The following EGFR variants were observed in gnomAD, a reference collection of about 807,000 sequenced individuals.
EGFR encodes epidermal growth factor receptor.
EGFR carries 58 observed loss-of-function variants against 143.0 expected under a neutral mutation model. The observed-to-expected ratio is 0.41, with a 90% CI of 0.33 to 0.50. EGFR has a LOEUF of 0.50. Among genes scored for constraint, EGFR ranks in the 20% least tolerant of loss-of-function variants. The probability of loss-of-function intolerance (pLI) is 0.39; values close to 1 mark genes in which losing one functional copy is unlikely to be tolerated. For synonymous variants in EGFR, 613 were observed against 594.4 expected, an observed-to-expected ratio of 1.03 and a Z score of -0.45; for missense variants, 1,307 against 1,579.0, an observed-to-expected ratio of 0.83 and a Z score of 2.92.
At position 55,173,434 on chromosome 7, in the gene EGFR, T is replaced by C. The variant is rs139034661; in HGVS notation, c.2061+310T>C. Among the ~76,000 whole-genome samples, 301 of 152,358 alleles carry C rather than the reference T, an allele frequency of 2.0e-3. 2 individuals carry two copies. The highest frequency in any genetic ancestry group is 6.2e-3 in the African/African-American group (256 of 41,588). Reference sequence around the variant, plus strand: ...CTGGCTGTTGATCCCATGCTGGCACTGTGGCGAAGGCGAGAGATTCCTGCT... The same window carrying C: ...CTGGCTGTTGATCCCATGCTGGCACCGTGGCGAAGGCGAGAGATTCCTGCT... On this transcript the variant is annotated intron_variant, in intron 17 of 27. Coordinates refer to ENST00000275493, the MANE Select transcript of EGFR (RefSeq NM_005228.5).
chr7:55,192,015 C>A (rs2128965026), intron 21 of EGFR, 141 bp downstream of exon 21: 1 of 1,268,186 alleles, frequency 7.9e-7, no homozygotes, highest in Non-Finnish European at 1.1e-6. Flanking sequence ...CTGCTGCTGG[C>A]AGCTGGGTCC....
At chr7:55,144,830 G>A (rs780953890) in intron 3 of EGFR, among the ~76,000 whole-genome samples, 5 of 152,082 alleles carry the variant, frequency 3.3e-5, no homozygotes, top group African/African-American at 1.2e-4. Flanking sequence ...CAGATGGCTC[G>A]GGAGCACATT....
intron 3 of EGFR, among the ~76,000 whole-genome samples, chr7:55,146,381 T>A (rs192912964): frequency 6.6e-6 from 1 of 152,284 alleles, no homozygotes; most frequent in East Asian, 1.9e-4. Context: ...AAATTTCTAA[T>A]CATTGCTCAA....
At chr7:55,067,165 G>A (rs1285184457) in intron 1 of EGFR, among the ~76,000 whole-genome samples, 8 of 146,206 alleles carry the variant, frequency 5.5e-5, no homozygotes, top group Non-Finnish European at 7.4e-5. Context: ...CGTGAGCACA[G>A]CTGCAGGAGC....
chr7:55,201,715 C>G lies in EGFR; in HGVS notation c.3115-20C>G. 6.2e-7 allele frequency: 1 copy of G among 1,614,214 alleles called. No individual in the cohort carries two copies. Among genetic ancestry groups the G allele is most frequent in the South Asian group, 1.1e-5 (1 of 91,082 alleles). On this transcript the variant is annotated intron_variant, in intron 25 of 27. Coordinates refer to ENST00000275493, the MANE Select transcript of EGFR (RefSeq NM_005228.5). ...TGTGGTACAAGCATTCCATGGGCAA[C>G]TTCTCTGTTTCTTTTTCAGAGTGCA...
rs1794575659 is a variant in EGFR at position 55,143,356 on chromosome 7, C to A, written c.292C>A (p.Arg98=). 1.2e-6 allele frequency: 2 copies of A among 1,614,134 alleles called. No homozygotes were observed. Among genetic ancestry groups the A allele is most frequent in the Non-Finnish European group, 1.7e-6 (2 of 1,180,042 alleles). ...YVLIALNTVE[R]IPLENLQIIR... is the part of the protein sequence containing the mutation. ...CCTCATTGCCCTCAACACAGTGGAG[C>A]GAATTCCTTTGGAAAACCTGCAGAT... is the stretch of plus-strand genomic sequence containing the variant. The change falls in exon 3 of 28, where the codon CGA becomes AGA. Residue 98 remains arginine, a synonymous_variant. Transcript: ENST00000275493.
intron 19 of EGFR, among the ~76,000 whole-genome samples, chr7:55,177,197 G>C (rs1278714602): frequency 6.6e-6 from 1 of 152,096 alleles, no homozygotes; most frequent in Non-Finnish European, 1.5e-5. Flanking sequence ...CTGCAGCTCA[G>C]GCTGCCCAGG....
At chr7:55,131,311 A>G (rs1317144369) in intron 1 of EGFR, among the ~76,000 whole-genome samples, 1 of 151,476 alleles carries the variant, frequency 6.6e-6, no homozygotes, top group East Asian at 1.9e-4. Context: ...CACTCTTCAA[A>G]CACTTTATGA....
At chr7:55,204,670 TACACACACC>T (rs1366234932) in intron 27 of EGFR, among the ~76,000 whole-genome samples, 6 of 67,372 alleles carry the variant, frequency 8.9e-5, no homozygotes, top group South Asian at 5.2e-4. Context: ...CACACACACG[TACACACACC>T]ACACACACCA....
intron 1 of EGFR, among the ~76,000 whole-genome samples, chr7:55,131,543 G>A (rs6971740): frequency 6.6e-6 from 1 of 152,142 alleles, no homozygotes; most frequent in Admixed American, 6.5e-5. Flanking sequence ...AGCACCATGC[G>A]AGCTTAGACC....
At chr7:55,030,075 A>C (rs1787162066) in intron 1 of EGFR, among the ~76,000 whole-genome samples, 1 of 152,150 alleles carries the variant, frequency 6.6e-6, no homozygotes, top group African/African-American at 2.4e-5. Flanking sequence ...TGAGGGACCC[A>C]GGCTCAGAGC....
intron 1 of EGFR, among the ~76,000 whole-genome samples, chr7:55,019,895 A>G (rs1213507320): frequency 1.3e-5 from 2 of 152,064 alleles, no homozygotes; most frequent in Non-Finnish European, 2.9e-5. Flanking sequence ...ACCCCGCGGG[A>G]CAGGCGGCTT....
chr7:55,023,744 A>ATGG (rs1786719604), intron 1 of EGFR, among the ~76,000 whole-genome samples: 2 of 152,102 alleles, frequency 1.3e-5, no homozygotes, highest in African/African-American at 4.8e-5. Flanking sequence ...TATGGTAATA[A>ATGG]ACATTGTTAG....
intron 1 of EGFR, among the ~76,000 whole-genome samples, chr7:55,087,681 A>G (rs1337712408): frequency 6.6e-6 from 1 of 152,140 alleles, no homozygotes; most frequent in Non-Finnish European, 1.5e-5. Context: ...AAACTTCCCG[A>G]TTGGGTTTAT....
At chr7:55,028,556 T>G (rs1787067577) in intron 1 of EGFR, among the ~76,000 whole-genome samples, 1 of 152,220 alleles carries the variant, frequency 6.6e-6, no homozygotes, top group Non-Finnish European at 1.5e-5. Flanking sequence ...ACCTGAAAGC[T>G]TTCAGGAGAT....
At chr7:55,050,199 T>C (rs1788408389) in intron 1 of EGFR, among the ~76,000 whole-genome samples, 1 of 152,200 alleles carries the variant, frequency 6.6e-6, no homozygotes. Context: ...AGAGCTCCTT[T>C]CATCTTGCAA....
intron 24 of EGFR, chr7:55,200,766 C>T (rs945876816): frequency 1.4e-5 from 7 of 485,070 alleles, no homozygotes; most frequent in Non-Finnish European, 1.9e-5. Context: ...TCCACTTCTT[C>T]GCATCACCCA....
intron 1 of EGFR, among the ~76,000 whole-genome samples, chr7:55,110,488 C>T (rs1189775465): frequency 1.3e-5 from 2 of 152,180 alleles, no homozygotes; most frequent in Non-Finnish European, 2.9e-5. Flanking sequence ...GGCAAAGCCC[C>T]CAATTTTCGT....
chr7:55,023,553 A>C (rs1786698600), intron 1 of EGFR, among the ~76,000 whole-genome samples: 1 of 148,180 alleles, frequency 6.7e-6, no homozygotes, highest in African/African-American at 2.5e-5. Context: ...CAGGAGGCTG[A>C]GGCAGGAGAA....
Sources: allele counts gnomAD v4.1 joint callset (sites outside exome capture counted in the v4.1 genomes callset), GRCh38; gene constraint gnomAD v4.1.1; transcripts MANE v1.5; gene names NCBI Gene and HGNC (gene_info 2026-07-23, HGNC 2026-07-21).